PCDH9: variants seen among roughly 807,000 people sequenced by gnomAD.
The protein encoded by PCDH9 is protocadherin-9.
PCDH9 carries 24 observed loss-of-function variants against 70.6 expected under a neutral mutation model. The observed-to-expected ratio is 0.34, with a 90% CI of 0.25 to 0.48. The LOEUF (loss-of-function observed/expected upper bound fraction) is 0.48. Ranked by LOEUF, PCDH9 falls within the 20% of genes least tolerant of loss-of-function variation. The probability of loss-of-function intolerance (pLI) is 0.99; values close to 1 mark genes in which losing one functional copy is unlikely to be tolerated. For synonymous variants in PCDH9, 562 were observed against 558.5 expected, an observed-to-expected ratio of 1.01 and a Z score of -0.09; for missense variants, 1,281 against 1,503.6, an observed-to-expected ratio of 0.85 and a Z score of 2.45.
intron 3 of PCDH9, among the ~76,000 whole-genome samples, chr13:66,887,353 T>A (rs1023430437): frequency 2.0e-5 from 3 of 152,012 alleles, no homozygotes; most frequent in Non-Finnish European, 4.4e-5. Context: ...GCTCATGCAT[T>A]AAAAACGGAG....
rs150629154 is a variant in PCDH9, at chr13:67,148,395, A to G, written c.3036+77010T>C. 4.3e-3 allele frequency among the ~76,000 whole-genome samples: 648 copies of G among 152,102 alleles called. 4 individuals are homozygous for G. Among genetic ancestry groups the G allele is most frequent in the Non-Finnish European group, 6.2e-3 (421 of 67,958 alleles). ...CTTTGAATTTTTACAGCTGATGTAC[A>G]CTGGTTCCTCTCCTAGGTAACAGTA... is the stretch of plus-strand genomic sequence containing the variant. On this transcript the variant is annotated intron_variant, in intron 2 of 4. Transcript: ENST00000377865.
chr13:66,730,874 G>GTTTTTTTTTTT (rs1566154009), intron 3 of PCDH9, among the ~76,000 whole-genome samples: 1 of 22,714 alleles, frequency 4.4e-5, no homozygotes, highest in African/African-American at 1.3e-4. Context: ...TTGTGTGTGT[G>GTTTTTTTTTTT]TGTTTTTTTT....
chr13:66,595,198 AT>A lies in PCDH9; in HGVS notation c.3340+36011del, dbSNP rs748317815. Among the ~76,000 whole-genome samples the A allele has an allele frequency of 2.0e-4, 30 of 150,594 alleles. 1 individual carries two copies. The highest frequency in any genetic ancestry group is 8.4e-4 in the South Asian group (4 of 4,758). ...ATGTAAACACATCAAGAGAGAAAGC[AT>A]TTTTTTTTCCACTTTCTGTGGGAAG... On this transcript the variant is annotated intron_variant, in intron 4 of 4. Coordinates refer to ENST00000377865, the MANE Select transcript of PCDH9 (RefSeq NM_203487.3).
intron 4 of PCDH9, among the ~76,000 whole-genome samples, chr13:66,352,268 G>T (rs1387658376): frequency 1.3e-5 from 2 of 150,696 alleles, no homozygotes; most frequent in Non-Finnish European, 2.9e-5. Context: ...TACCTCTTTT[G>T]TTCCCTTCAT....
intron 3 of PCDH9, among the ~76,000 whole-genome samples, chr13:66,846,253 A>G (rs2048092077): frequency 6.6e-6 from 1 of 152,178 alleles, no homozygotes; most frequent in African/African-American, 2.4e-5. Context: ...GAAAAAAATT[A>G]CTAAACACGT....
At chr13:66,467,525 A>C (rs1367171592) in intron 4 of PCDH9, among the ~76,000 whole-genome samples, 2 of 152,030 alleles carry the variant, frequency 1.3e-5, no homozygotes, top group African/African-American at 4.8e-5. Context: ...CAGCCAGCTT[A>C]CATCAGTGTG....
intron 4 of PCDH9, among the ~76,000 whole-genome samples, chr13:66,597,730 A>G (rs564694873): frequency 1.3e-5 from 2 of 151,878 alleles, no homozygotes; most frequent in Non-Finnish European, 2.9e-5. Context: ...TAGAGAAGTG[A>G]GACTACAACA....
intron 3 of PCDH9, among the ~76,000 whole-genome samples, chr13:66,816,810 C>T (rs907766226): frequency 6.6e-5 from 10 of 151,148 alleles, no homozygotes; most frequent in African/African-American, 9.7e-5. Context: ...TTTAAATCCC[C>T]GTGGATTGAA....
chr13:66,594,076 T>C (rs1040432262), intron 4 of PCDH9, among the ~76,000 whole-genome samples: 1 of 151,750 alleles, frequency 6.6e-6, no homozygotes, highest in Non-Finnish European at 1.5e-5. Flanking sequence ...TATTTGGAAA[T>C]AGAGCTTCAC....
chr13:66,349,745 A>C (rs1416212911), intron 4 of PCDH9, among the ~76,000 whole-genome samples: 1 of 152,202 alleles, frequency 6.6e-6, no homozygotes, highest in Non-Finnish European at 1.5e-5. Flanking sequence ...AAAAGGTAGC[A>C]GAAGGAAAAT....
intron 3 of PCDH9, among the ~76,000 whole-genome samples, chr13:66,682,051 A>C (rs747307131): frequency 6.6e-6 from 1 of 150,876 alleles, no homozygotes; most frequent in Admixed American, 6.6e-5. Context: ...ATCTCTGTGC[A>C]GTTAGAGGAC....
intron 4 of PCDH9, among the ~76,000 whole-genome samples, chr13:66,494,997 A>G (rs77086001): frequency 0.12 from 18,046 of 151,936 alleles, 1,265 homozygotes; most frequent in Middle Eastern, 0.21. Context: ...GACAGAGGAG[A>G]GGATGGAAGG....
At chr13:66,689,460 C>T (rs2078451625) in intron 3 of PCDH9, among the ~76,000 whole-genome samples, 1 of 152,054 alleles carries the variant, frequency 6.6e-6, no homozygotes. Context: ...TTAGAAACTG[C>T]CTTCATGGGG....
chr13:66,337,433 G>A (rs913764893), intron 4 of PCDH9, among the ~76,000 whole-genome samples: 2 of 152,036 alleles, frequency 1.3e-5, no homozygotes, highest in African/African-American at 2.4e-5. Context: ...AAGGCCCTTG[G>A]TGATTGAGGT....
intron 4 of PCDH9, among the ~76,000 whole-genome samples, chr13:66,353,272 C>T (rs1019757919): frequency 6.6e-6 from 1 of 152,064 alleles, no homozygotes; most frequent in Non-Finnish European, 1.5e-5. Flanking sequence ...TGTTATAAAA[C>T]CTTGAAGGGA....
chr13:66,652,161 C>T (rs140843959), intron 3 of PCDH9, among the ~76,000 whole-genome samples: 194 of 152,052 alleles, frequency 1.3e-3, no homozygotes, highest in Admixed American at 4.0e-3. Context: ...AGAACAATTA[C>T]ACAAGAGAAA....
intron 3 of PCDH9, among the ~76,000 whole-genome samples, chr13:66,796,200 TC>T (rs1450971274): frequency 6.6e-6 from 1 of 152,162 alleles, no homozygotes; most frequent in Non-Finnish European, 1.5e-5. Flanking sequence ...TCATGCCCAT[TC>T]CTGATCCATT....
chr13:67,130,127 G>A (rs981781033), intron 2 of PCDH9, among the ~76,000 whole-genome samples: 1 of 152,042 alleles, frequency 6.6e-6, no homozygotes, highest in Non-Finnish European at 1.5e-5. Flanking sequence ...TAAAACCTTG[G>A]TGCCTACCAG....
At chr13:66,615,064 T>C (rs2077339271) in intron 4 of PCDH9, among the ~76,000 whole-genome samples, 1 of 152,214 alleles carries the variant, frequency 6.6e-6, no homozygotes. Context: ...CTTGGACCAG[T>C]ATAAGCATGC....
Sources: gnomAD v4.1 joint callset for allele counts (sites outside exome capture counted in the v4.1 genomes callset) on GRCh38, gnomAD v4.1.1 for gene constraint, MANE v1.5 for transcripts, NCBI Gene and HGNC (gene_info 2026-07-23, HGNC 2026-07-21) for gene names.